The following ERC2 variants were observed in gnomAD, a reference collection of about 807,000 sequenced individuals.
ERC2 encodes ERC protein 2.
In ERC2, 42 loss-of-function variants were observed where a neutral mutation model predicts 114.8. The ratio of observed to expected loss-of-function variants is 0.37; its 90% CI spans 0.29 to 0.47. ERC2 has a LOEUF of 0.47. Among genes scored for constraint, ERC2 ranks in the 20% least tolerant of loss-of-function variants. The pLI, the probability that ERC2 is intolerant of heterozygous loss-of-function variation, is 0.99. For synonymous variants in ERC2, 454 were observed against 425.5 expected, an observed-to-expected ratio of 1.07 and a Z score of -0.82; for missense variants, 939 against 1,150.7, an observed-to-expected ratio of 0.82 and a Z score of 2.66.
chr3:56,022,698 A>C (rs1395668084), intron 7 of ERC2, among the ~76,000 whole-genome samples: 1 of 152,192 alleles, frequency 6.6e-6, no homozygotes, highest in Non-Finnish European at 1.5e-5. Flanking sequence ...ATTGAAAACA[A>C]GGGTTAGGAT....
At chr3:55,520,921 A>G (rs2052883531) in intron 17 of ERC2, among the ~76,000 whole-genome samples, 2 of 152,218 alleles carry the variant, frequency 1.3e-5, no homozygotes, top group African/African-American at 4.8e-5. Flanking sequence ...CATGTTCGGG[A>G]AAGAGATGCC....
At chr3:55,890,489 A>G (rs535391505) in intron 13 of ERC2, among the ~76,000 whole-genome samples, 2 of 152,202 alleles carry the variant, frequency 1.3e-5, no homozygotes, top group Non-Finnish European at 2.9e-5. Flanking sequence ...ATCTATCTGC[A>G]ATCTATAGAC....
At chr3:55,914,008 C>T (rs187137775) in intron 13 of ERC2, among the ~76,000 whole-genome samples, 1 of 128,650 alleles carries the variant, frequency 7.8e-6, no homozygotes, top group East Asian at 2.8e-4. Context: ...TATTCTTGCC[C>T]CTTTATGACA....
At chr3:56,112,917 T>A (rs537111694) in intron 6 of ERC2, among the ~76,000 whole-genome samples, 1 of 152,158 alleles carries the variant, frequency 6.6e-6, no homozygotes, top group South Asian at 2.1e-4. Context: ...ACATATTAGC[T>A]ACCTAGGCAG....
At chr3:56,161,650 G>A (rs553696122) in intron 4 of ERC2, among the ~76,000 whole-genome samples, 1 of 152,186 alleles carries the variant, frequency 6.6e-6, no homozygotes, top group East Asian at 1.9e-4. Context: ...TTTTGTGTGT[G>A]TGTGTGGCTA....
intron 17 of ERC2, among the ~76,000 whole-genome samples, chr3:55,633,565 T>C (rs1337943212): frequency 6.6e-6 from 1 of 152,226 alleles, no homozygotes; most frequent in Non-Finnish European, 1.5e-5. Flanking sequence ...ATATAATAGA[T>C]GTTTATTTAA....
intron 14 of ERC2, among the ~76,000 whole-genome samples, chr3:55,748,667 C>CGA (rs1442782573): frequency 6.6e-6 from 1 of 152,206 alleles, no homozygotes; most frequent in Non-Finnish European, 1.5e-5. Context: ...ATCCATGTGG[C>CGA]ATTTCCCTCT....
intron 11 of ERC2, among the ~76,000 whole-genome samples, chr3:55,991,513 C>A (rs912273659): frequency 1.3e-5 from 2 of 152,198 alleles, no homozygotes; most frequent in African/African-American, 4.8e-5. Flanking sequence ...CATGCAGGAC[C>A]TATTCAAGTA....
rs982034942 is a variant in ERC2 at position 55,666,563 on chromosome 3, A to G, written c.*39+17231T>C. On this transcript the variant is annotated intron_variant, in intron 17 of 17. Transcript: ENST00000288221. ...GGGGAAAAGCAGTGGTTCCCAACCA[A>G]CCAGGAGCCATGTTGCCCCCCAGGG... Among the ~76,000 whole-genome samples, 4 of 152,328 alleles carry G rather than the reference A, an allele frequency of 2.6e-5. No individual in the cohort carries two copies. In the South Asian group the frequency reaches 8.3e-4, roughly 32 times the overall value.
intron 17 of ERC2, among the ~76,000 whole-genome samples, chr3:55,528,892 G>A (rs747977927): frequency 2.0e-5 from 3 of 152,138 alleles, no homozygotes; most frequent in Non-Finnish European, 4.4e-5. Context: ...GGGTGGGGAG[G>A]GATATGGGGA....
chr3:56,158,398 ACT>A (rs1354712885), intron 4 of ERC2, among the ~76,000 whole-genome samples: 1 of 151,556 alleles, frequency 6.6e-6, no homozygotes, highest in Non-Finnish European at 1.5e-5. Flanking sequence ...CAGAGCTAAG[ACT>A]CTCTCTGCCT....
chr3:55,537,942 G>C (rs1293434065), intron 17 of ERC2, among the ~76,000 whole-genome samples: 2 of 152,172 alleles, frequency 1.3e-5, no homozygotes, highest in Non-Finnish European at 2.9e-5. Context: ...CCCAATTGCG[G>C]ACGAGCCCAC....
At chr3:55,746,703 T>C (rs941949205) in intron 14 of ERC2, among the ~76,000 whole-genome samples, 5 of 152,196 alleles carry the variant, frequency 3.3e-5, no homozygotes, top group Non-Finnish European at 7.3e-5. Context: ...GTGATGGTGG[T>C]AGCCAGGCAA....
intron 14 of ERC2, among the ~76,000 whole-genome samples, chr3:55,781,827 G>A (rs564790831): frequency 1.3e-4 from 19 of 146,808 alleles, no homozygotes; most frequent in Non-Finnish European, 2.4e-4. Context: ...AGCCGAGATC[G>A]CCCTACTACA....
At chr3:55,633,676 A>T (rs1441435253) in intron 17 of ERC2, among the ~76,000 whole-genome samples, 7 of 152,106 alleles carry the variant, frequency 4.6e-5, no homozygotes. Context: ...ACTGGCCTAG[A>T]CTCTGGAGCT....
intron 3 of ERC2, among the ~76,000 whole-genome samples, chr3:56,216,132 A>C (rs1376632531): frequency 6.6e-6 from 1 of 152,254 alleles, no homozygotes; most frequent in Non-Finnish European, 1.5e-5. Flanking sequence ...AAGGCAAGAA[A>C]TAACTAAGAT....
At chr3:56,458,154 AGCCACT>A (rs2063148437) in intron 1 of ERC2, among the ~76,000 whole-genome samples, 1 of 152,256 alleles carries the variant, frequency 6.6e-6, no homozygotes, top group Non-Finnish European at 1.5e-5. Context: ...AAAGAACACC[AGCCACT>A]CCTGTTTTCC....
chr3:56,301,829 T>C (rs1296524838), intron 2 of ERC2, among the ~76,000 whole-genome samples: 1 of 152,184 alleles, frequency 6.6e-6, no homozygotes, highest in African/African-American at 2.4e-5. Flanking sequence ...TGCCTCGGTC[T>C]CCCCATTTGT....
At chr3:56,454,670 C>A (rs2062976953) in intron 1 of ERC2, among the ~76,000 whole-genome samples, 2 of 151,894 alleles carry the variant, frequency 1.3e-5, no homozygotes, top group Non-Finnish European at 2.9e-5. Context: ...GCCAACATGG[C>A]AAAACCCCAT....
Sources: allele counts gnomAD v4.1 joint callset (sites outside exome capture counted in the v4.1 genomes callset), GRCh38; gene constraint gnomAD v4.1.1; transcripts MANE v1.5; gene names NCBI Gene and HGNC (gene_info 2026-07-23, HGNC 2026-07-21).